Variants in TCTN1 observed in about 807,000 individuals in gnomAD.
TCTN1 encodes tectonic family member 1.
In TCTN1, 58 loss-of-function variants were observed where a neutral mutation model predicts 65.8. That is an observed-to-expected ratio of 0.88 (90% CI 0.71 to 1.10). TCTN1 has a LOEUF of 1.10. TCTN1 is among the 50% of genes least tolerant of loss of function. The pLI, the probability that TCTN1 is intolerant of heterozygous loss-of-function variation, is 0.00. For synonymous variants in TCTN1, 273 were observed against 289.1 expected (o/e 0.94, Z 0.57); for missense variants, 645 against 719.4 (o/e 0.90, Z 1.18).
At chr12:110,627,200 T>G (rs2065915543) in intron 3 of TCTN1, among the ~76,000 whole-genome samples, 1 of 150,566 alleles carries the variant, frequency 6.6e-6, no homozygotes, top group African/African-American at 2.4e-5. Context: ...CGGGTTCAAG[T>G]GATTCTCCTG....
intron 11 of TCTN1, among the ~76,000 whole-genome samples, chr12:110,643,011 C>T (rs1296105648): frequency 6.6e-6 from 1 of 152,106 alleles, no homozygotes; most frequent in Non-Finnish European, 1.5e-5. Context: ...CTGCCTTGGC[C>T]TCCCAAGGTG....
intron 1 of TCTN1, among the ~76,000 whole-genome samples, chr12:110,615,842 A>C (rs996212989): frequency 4.6e-5 from 7 of 152,316 alleles, no homozygotes; most frequent in African/African-American, 1.4e-4. Flanking sequence ...TAGTAAGTAA[A>C]AAAGTCATCA....
intron 1 of TCTN1, among the ~76,000 whole-genome samples, chr12:110,618,723 ACTT>A (rs2065219060): frequency 6.6e-6 from 1 of 152,194 alleles, no homozygotes; most frequent in South Asian, 2.1e-4. Context: ...GGTTGATCTT[ACTT>A]CTTCCCTTCC....
At chr12:110,634,496 G>A in intron 5 of TCTN1, 174 bp from the exon 6 acceptor site, 1 of 626,844 alleles carries the variant, frequency 1.6e-6, no homozygotes. Flanking sequence ...GGGCAACACG[G>A]TGAAACCTTG....
Position 110,634,766 on chromosome 12 carries a change from C to T in TCTN1, c.809C>T (p.Pro270Leu), listed in dbSNP as rs199525130. The T allele has an allele frequency of 3.6e-5, 58 of 1,608,972 alleles. No homozygotes were observed. Among genetic ancestry groups the T allele is most frequent in the East Asian group, 1.8e-4 (8 of 44,818 alleles). The change falls in exon 6 of 15, where the codon CCG becomes CTG. Residue 270 changes from proline (P) to leucine (L), a missense_variant. Coordinates refer to ENST00000397659, the MANE Select transcript of TCTN1 (RefSeq NM_001082538.3). ...EALSMAFYSS[P>L]EILRVPDSRK... Reference sequence around the variant, plus strand: ...CTCAGCATGGCTTTTTACAGCAGCCCGGAAATTCTGAGGGTAAGAATTATT... The same window carrying T: ...CTCAGCATGGCTTTTTACAGCAGCCTGGAAATTCTGAGGGTAAGAATTATT...
intron 1 of TCTN1, among the ~76,000 whole-genome samples, chr12:110,618,444 T>G (rs906280350): frequency 6.6e-6 from 1 of 152,158 alleles, no homozygotes; most frequent in South Asian, 2.1e-4. Flanking sequence ...TTTCACCGTG[T>G]TAGCCAGGAT....
chr12:110,627,644 C>T (rs1037724726), intron 3 of TCTN1, among the ~76,000 whole-genome samples: 7 of 152,098 alleles, frequency 4.6e-5, no homozygotes, highest in African/African-American at 9.7e-5. Flanking sequence ...TTTATTTCCT[C>T]CTGGTTTAAT....
chr12:110,617,920 T>A (rs2065158536), intron 1 of TCTN1, among the ~76,000 whole-genome samples: 1 of 151,886 alleles, frequency 6.6e-6, no homozygotes, highest in African/African-American at 2.4e-5. Flanking sequence ...ATTACAGGCT[T>A]GAGCCACTGC....
Position 110,614,201 on chromosome 12 carries a change from C to G in TCTN1, c.19C>G (p.Pro7Ala). 6.4e-7 allele frequency: 1 copy of G among 1,571,518 alleles called. No individual in the cohort carries two copies. The highest frequency in any genetic ancestry group is 8.6e-7 in the Non-Finnish European group (1 of 1,159,420). MRPRGL[P>A]PLLVVLLGCW... ...CTGGGAGATGAGGCCGCGAGGTCTCCCGCCGCTCCTGGTGGTGCTCCTGGG... is the reference window on the plus strand; with the variant it reads ...CTGGGAGATGAGGCCGCGAGGTCTCGCGCCGCTCCTGGTGGTGCTCCTGGG... The change falls in exon 1 of 15, where the codon CCG (proline) becomes GCG (alanine). Residue 7 changes from proline (P) to alanine (A), a missense_variant. Pro to Ala is a conservative substitution (Grantham distance 27, BLOSUM62 -1). Coordinates refer to ENST00000397659, the MANE Select transcript of TCTN1 (RefSeq NM_001082538.3).
chr12:110,647,065 T>C, intron 12 of TCTN1, 131 bp from the exon 13 acceptor site: 3 of 1,101,956 alleles, frequency 2.7e-6, no homozygotes, highest in Non-Finnish European at 4.0e-6. Context: ...GCTGTTTTTA[T>C]CTGAACTTGT....
chr12:110,648,688 T>C (rs1373270559), intron 14 of TCTN1: 1 of 216,346 alleles, frequency 4.6e-6, no homozygotes, highest in Non-Finnish European at 9.1e-6. Flanking sequence ...TTGGGTCTAA[T>C]TGCCATTTCT....
In TCTN1 at chr12:110,614,420, G is replaced by T. The variant is rs2064890814; in HGVS notation, c.220+18G>T. 1.3e-6 allele frequency: 2 copies of T among 1,580,170 alleles called. No individual in the cohort carries two copies. The highest frequency in any genetic ancestry group is 1.2e-5 in the South Asian group (1 of 86,944). Reference sequence around the variant, plus strand: ...CACGGACGGTGGGTACCATGTGCCAGCTCCTGGAGTCCACAGTGATCCAAC... The same window carrying T: ...CACGGACGGTGGGTACCATGTGCCATCTCCTGGAGTCCACAGTGATCCAAC... On this transcript the variant is annotated intron_variant, in intron 1 of 14. Coordinates refer to ENST00000397659, the MANE Select transcript of TCTN1 (RefSeq NM_001082538.3).
intron 1 of TCTN1, among the ~76,000 whole-genome samples, chr12:110,616,117 T>C (rs1040241686): frequency 5.3e-5 from 8 of 152,196 alleles, no homozygotes; most frequent in African/African-American, 1.9e-4. Context: ...GGATTGTCTT[T>C]TATTCATGTA....
At chr12:110,647,970 G>A (rs1246178618) in intron 14 of TCTN1, 77 bp downstream of exon 14, 9 of 1,591,868 alleles carry the variant, frequency 5.7e-6, no homozygotes, top group Non-Finnish European at 7.7e-6. Flanking sequence ...AAGTCCCTAG[G>A]GGATACTGCA....
Position 110,619,896 on chromosome 12 carries a change from A to C in TCTN1, c.281A>C (p.Asp94Ala). ...PAQCDINCCC[D>A]PDCSSVDFSV... ...CAGTGTGACATCAACTGCTGCTGTG[A>C]TCCCGACTGCAGCTCCGTGGATTTC... The change falls in exon 2 of 15, where the codon GAT becomes GCT. Residue 94 changes from aspartate to alanine, a missense_variant. By Grantham distance (126) the Asp-to-Ala change is moderately radical. Transcript: ENST00000397659. The C allele has an allele frequency of 2.5e-6, 4 of 1,614,028 alleles. No homozygotes were observed. The highest frequency in any genetic ancestry group is 3.4e-6 in the Non-Finnish European group (4 of 1,180,000).
intron 7 of TCTN1, among the ~76,000 whole-genome samples, chr12:110,637,001 G>A (rs543783252): frequency 9.2e-5 from 14 of 152,280 alleles, no homozygotes; most frequent in African/African-American, 2.9e-4. Context: ...CTTGATTGTG[G>A]TCAGGATGTC....
Position 110,639,063 on chromosome 12 carries a change from A to G in TCTN1, c.844-1320A>G, listed in dbSNP as rs1593341765. The stretch of plus-strand genomic sequence containing the variant: ...GGTCTTCTTGGTCATGGGAGCAGAC[A>G]CATAAGGACTGCTTATTTATCTCTA... On this transcript the variant is annotated intron_variant, in intron 7 of 14. Transcript: ENST00000397659. This position sits in a 1 kb window ranked among gnomAD's most constrained non-coding sequence, Gnocchi z 4.9. 6.6e-6 allele frequency among the ~76,000 whole-genome samples: 1 copy of G among 152,244 alleles called. No homozygotes were observed. The highest frequency in any genetic ancestry group is 2.1e-4 in the South Asian group (1 of 4,824).
chr12:110,623,633 G>GAAACCT (rs1014751478), intron 2 of TCTN1, among the ~76,000 whole-genome samples: 1 of 152,180 alleles, frequency 6.6e-6, no homozygotes, highest in Non-Finnish European at 1.5e-5. Context: ...GGGAAAATTA[G>GAAACCT]AAACCTAAAC....
Position 110,619,841 on chromosome 12 carries a change from G to T in TCTN1, c.226G>T (p.Val76Phe). 1 of 1,614,116 alleles carries T rather than the reference G, an allele frequency of 6.2e-7. No homozygotes were observed. Among genetic ancestry groups the T allele is most frequent in the Non-Finnish European group, 8.5e-7 (1 of 1,180,032 alleles). Residue 76 changes from valine to phenylalanine, a missense_variant, in exon 2 of 15, where the codon GTT becomes TTT. Physicochemically the swap from Val to Phe is conservative, Grantham distance 50. Coordinates refer to ENST00000397659, the MANE Select transcript of TCTN1 (RefSeq NM_001082538.3). ...PRPTPVTDVA[V>F]LCVCDLSPAQ... Reference sequence around the variant, plus strand: ...TACCCCTCTTTTTTCTGCAGTTGCTGTTCTCTGTGTCTGTGACTTATCCCC... The same window carrying T: ...TACCCCTCTTTTTTCTGCAGTTGCTTTTCTCTGTGTCTGTGACTTATCCCC...
Sources: allele counts gnomAD v4.1 joint callset (sites outside exome capture counted in the v4.1 genomes callset), GRCh38; gene constraint gnomAD v4.1.1; non-coding constraint Gnocchi (gnomAD v3.1); transcripts MANE v1.5; gene names NCBI Gene and HGNC (gene_info 2026-07-23, HGNC 2026-07-21).